Variants in BBS9 observed in about 807,000 individuals in gnomAD.
BBS9 encodes Bardet-Biedl syndrome 9.
A neutral mutation model predicts 117.7 loss-of-function variants in BBS9; 89 were observed. That is an observed-to-expected ratio of 0.76 (90% CI 0.64 to 0.90). The LOEUF (loss-of-function observed/expected upper bound fraction) is 0.90. BBS9 is among the 40% of genes least tolerant of loss of function. The pLI is 0.00. For missense variants in BBS9, 982 were observed against 1,042.2 expected (o/e 0.94, Z 0.80); for synonymous variants, 379 against 370.9 (o/e 1.02, Z -0.25).
intron 17 of BBS9, among the ~76,000 whole-genome samples, chr7:33,375,164 G>A (rs555521329): frequency 6.6e-6 from 1 of 152,186 alleles, no homozygotes; most frequent in East Asian, 1.9e-4. Context: ...TTGTAATAGA[G>A]TGTTATGGAA....
At chr7:33,256,165 CAA>C (rs1009496576) in intron 5 of BBS9, among the ~76,000 whole-genome samples, 1 of 111,348 alleles carries the variant, frequency 9.0e-6, no homozygotes, top group Non-Finnish European at 2.2e-5. Context: ...TAAAAACAAA[CAA>C]AAAAAACAAA....
downstream of BBS9, among the ~76,000 whole-genome samples, chr7:33,635,668 G>C (rs1359821435): frequency 6.6e-6 from 1 of 152,152 alleles, no homozygotes; most frequent in Non-Finnish European, 1.5e-5. Flanking sequence ...TCACTGTTAG[G>C]TATCCAAATA....
At chr7:33,394,485 A>G (rs141246615) in intron 19 of BBS9, among the ~76,000 whole-genome samples, 1 of 152,252 alleles carries the variant, frequency 6.6e-6, no homozygotes, top group East Asian at 1.9e-4. Flanking sequence ...AATAATCTGT[A>G]CAATAAACCC....
chr7:33,510,957 AG>A (rs891644414), intron 20 of BBS9, among the ~76,000 whole-genome samples: 7 of 152,050 alleles, frequency 4.6e-5, no homozygotes, highest in African/African-American at 1.7e-4. Flanking sequence ...GTGATATCCT[AG>A]GTTCAGCCTG....
intron 9 of BBS9, among the ~76,000 whole-genome samples, chr7:33,290,037 T>G (rs937907888): frequency 7.2e-6 from 1 of 138,184 alleles, no homozygotes; most frequent in Non-Finnish European, 1.6e-5. Context: ...AGAGAGAGAC[T>G]CTATCTCAAA....
At chr7:33,310,744 G>A (rs1809035531) in intron 9 of BBS9, among the ~76,000 whole-genome samples, 2 of 152,294 alleles carry the variant, frequency 1.3e-5, no homozygotes, top group Middle Eastern at 3.4e-3. Flanking sequence ...GTAGAGGCCT[G>A]GAATGCTGCT....
chr7:33,394,905 C>T (rs73689610), intron 19 of BBS9, among the ~76,000 whole-genome samples: 2,312 of 152,264 alleles, frequency 0.015, 68 homozygotes, highest in African/African-American at 0.053. Context: ...GAACCTGAGA[C>T]TCTGAGTAGA....
intron 21 of BBS9, among the ~76,000 whole-genome samples, chr7:33,542,723 G>C: frequency 1.0e-5 from 1 of 98,800 alleles, no homozygotes; most frequent in Non-Finnish European, 2.1e-5. Context: ...GTGTGTGTGT[G>C]TGTGTGTGTA....
intron 1 of BBS9, among the ~76,000 whole-genome samples, chr7:33,145,926 T>C (rs1028278381): frequency 3.9e-5 from 6 of 152,222 alleles, no homozygotes; most frequent in Non-Finnish European, 8.8e-5. Flanking sequence ...ATAGTGCTGA[T>C]GGAATTTGAA....
At chr7:33,628,285 G>C (rs1865735134) in intron 21 of BBS9, among the ~76,000 whole-genome samples, 1 of 152,146 alleles carries the variant, frequency 6.6e-6, no homozygotes, top group African/African-American at 2.4e-5. Flanking sequence ...CATGAATACA[G>C]ATGCAAAATA....
chr7:33,219,348 T>C (rs1789742533), intron 5 of BBS9, among the ~76,000 whole-genome samples: 1 of 152,158 alleles, frequency 6.6e-6, no homozygotes, highest in Admixed American at 6.5e-5. Flanking sequence ...ACCCAAGGGC[T>C]GGGGAGTGCG....
chr7:33,159,535 G>C (rs1794544299), intron 4 of BBS9, among the ~76,000 whole-genome samples: 1 of 152,166 alleles, frequency 6.6e-6, no homozygotes, highest in Non-Finnish European at 1.5e-5. Flanking sequence ...TAGTGCATGA[G>C]TTCAGTCCAA....
chr7:33,177,461 T>C lies in BBS9; in HGVS notation c.329-17T>C. 1.4e-6 allele frequency: 2 copies of C among 1,396,158 alleles called. No individual in the cohort carries two copies. The highest frequency in any genetic ancestry group is 2.0e-6 in the Non-Finnish European group (2 of 1,002,824). The allele number at this position is 1,396,158 out of a possible 1,614,324, so 86.5% of individuals were successfully genotyped here. On this transcript the variant is annotated splice_polypyrimidine_tract_variant and intron_variant, in intron 4 of 22. Coordinates refer to ENST00000242067, the MANE Select transcript of BBS9 (RefSeq NM_198428.3). ...GTGTACACAAATACAAAGTAATCCT[T>C]TTTTTTTTTTCCTTAGGAACCTTGG...
intron 19 of BBS9, among the ~76,000 whole-genome samples, chr7:33,431,602 G>A (rs568210227): frequency 6.6e-6 from 1 of 152,162 alleles, no homozygotes; most frequent in Non-Finnish European, 1.5e-5. Flanking sequence ...CAGCTAGAAG[G>A]TGCCATCTAT....
intron 21 of BBS9, among the ~76,000 whole-genome samples, chr7:33,620,337 C>T (rs533354371): frequency 2.0e-5 from 3 of 151,912 alleles, no homozygotes; most frequent in African/African-American, 7.2e-5. Context: ...CCTTAGGACT[C>T]CTTAAAAAAA....
intron 21 of BBS9, among the ~76,000 whole-genome samples, chr7:33,557,753 T>C (rs1437704560): frequency 6.6e-6 from 1 of 152,248 alleles, no homozygotes; most frequent in Non-Finnish European, 1.5e-5. Flanking sequence ...TTTCCAACGA[T>C]CCTGCAGTTG....
At chr7:33,450,827 A>G (rs1837696317) in intron 19 of BBS9, among the ~76,000 whole-genome samples, 1 of 148,466 alleles carries the variant, frequency 6.7e-6, no homozygotes, top group African/African-American at 2.5e-5. Flanking sequence ...ATAGGTTGCC[A>G]TTTCATTTTG....
At chr7:33,280,993 T>G (rs370145300) in intron 9 of BBS9, among the ~76,000 whole-genome samples, 4 of 151,372 alleles carry the variant, frequency 2.6e-5, no homozygotes, top group Non-Finnish European at 5.9e-5. Flanking sequence ...AAGGATTTTC[T>G]TTTTGAATTC....
At chr7:33,282,297 A>C (rs1406012661) in intron 9 of BBS9, among the ~76,000 whole-genome samples, 1 of 152,214 alleles carries the variant, frequency 6.6e-6, no homozygotes. Context: ...TTTAAATATC[A>C]ACCCTGATAT....
Sources: gnomAD v4.1 joint callset for allele counts (sites outside exome capture counted in the v4.1 genomes callset) on GRCh38, gnomAD v4.1.1 for gene constraint, MANE v1.5 for transcripts, NCBI Gene and HGNC (gene_info 2026-07-23, HGNC 2026-07-21) for gene names.